B3GALT1: variants seen among roughly 807,000 people sequenced by gnomAD.
B3GALT1 encodes beta-1,3-galactosyltransferase 1.
In B3GALT1, 10 loss-of-function variants were observed where a neutral mutation model predicts 23.2. The ratio of observed to expected loss-of-function variants is 0.43; its 90% CI spans 0.27 to 0.73. The LOEUF (loss-of-function observed/expected upper bound fraction) is 0.73, where lower values mean the gene tolerates loss of function less well. Among genes scored for constraint, B3GALT1 ranks in the 30% least tolerant of loss-of-function variants. B3GALT1 has a pLI of 0.21. For synonymous variants in B3GALT1, 156 were observed against 141.5 expected (o/e 1.10, Z -0.73); for missense variants, 299 against 405.4 (o/e 0.74, Z 2.25).
chr2:167,444,473 T>C (rs149098515), intron 1 of B3GALT1, among the ~76,000 whole-genome samples: 3,680 of 152,348 alleles, frequency 0.024, 72 homozygotes, highest in South Asian at 0.062. Flanking sequence ...TCTGGTAGAA[T>C]TTGGCTGTGA....
At chr2:167,298,767 A>G (rs1291652772) in intron 1 of B3GALT1, among the ~76,000 whole-genome samples, 2 of 152,088 alleles carry the variant, frequency 1.3e-5, no homozygotes, top group Non-Finnish European at 2.9e-5. Flanking sequence ...TCCAGAAAAT[A>G]CCAAAACTGT....
intron 2 of B3GALT1, among the ~76,000 whole-genome samples, chr2:167,539,149 C>T (rs1257958517): frequency 6.6e-6 from 1 of 151,934 alleles, no homozygotes; most frequent in Non-Finnish European, 1.5e-5. Flanking sequence ...AGGTTAATTT[C>T]CTTAAACTCA....
At chr2:167,664,678 A>C (rs1353571154) in intron 3 of B3GALT1, among the ~76,000 whole-genome samples, 1 of 152,114 alleles carries the variant, frequency 6.6e-6, no homozygotes, top group Non-Finnish European at 1.5e-5. Context: ...GATCCTTCAC[A>C]TCCCTTGTAA....
chr2:167,704,163 G>A (rs1359300626), intron 3 of B3GALT1, among the ~76,000 whole-genome samples: 4 of 133,406 alleles, frequency 3.0e-5, no homozygotes, highest in South Asian at 2.5e-4. Flanking sequence ...ACTGGGCAAA[G>A]GAGCGAAACT....
chr2:167,463,382 A>G (rs954454292), intron 1 of B3GALT1, among the ~76,000 whole-genome samples: 2 of 152,094 alleles, frequency 1.3e-5, no homozygotes, highest in Admixed American at 1.3e-4. Flanking sequence ...TCATAATATT[A>G]CTAATACACT....
chr2:167,624,273 A>C (rs368086847), intron 2 of B3GALT1, among the ~76,000 whole-genome samples: 1 of 152,054 alleles, frequency 6.6e-6, no homozygotes, highest in African/African-American at 2.4e-5. Context: ...ATGAAATTCT[A>C]ATCTTAGACC....
At position 167,858,939 on chromosome 2, in the gene B3GALT1, T is replaced by C. The variant is rs56377443; in HGVS notation, c.-229-9872T>C. On this transcript the variant is annotated intron_variant, in intron 4 of 4. Transcript: ENST00000392690. ...CTCCCTAGACTTTGTAAATTTTAGATAGTGAATACACTAACAGCTTTCTGG... is the reference window on the plus strand; with the variant it reads ...CTCCCTAGACTTTGTAAATTTTAGACAGTGAATACACTAACAGCTTTCTGG... 5.2e-3 allele frequency among the ~76,000 whole-genome samples: 793 copies of C among 152,326 alleles called. 5 individuals carry two copies. Among genetic ancestry groups the C allele is most frequent in the Non-Finnish European group, 7.7e-3 (521 of 68,020 alleles).
intron 3 of B3GALT1, among the ~76,000 whole-genome samples, chr2:167,679,355 G>T (rs1013212257): frequency 6.6e-6 from 1 of 151,860 alleles, no homozygotes; most frequent in African/African-American, 2.4e-5. Flanking sequence ...CTGACCTCAG[G>T]TGATCCGCCC....
At chr2:167,564,450 C>A (rs991915748) in intron 2 of B3GALT1, among the ~76,000 whole-genome samples, 1 of 152,048 alleles carries the variant, frequency 6.6e-6, no homozygotes, top group African/African-American at 2.4e-5. Flanking sequence ...TCCCCACCTC[C>A]CAGACGGGGT....
At chr2:167,402,172 A>G (rs1698202800) in intron 1 of B3GALT1, among the ~76,000 whole-genome samples, 1 of 152,152 alleles carries the variant, frequency 6.6e-6, no homozygotes, top group Admixed American at 6.6e-5. Flanking sequence ...ATGTTATGAT[A>G]AAATAATTTT....
chr2:167,504,994 A>G (rs1699899400), intron 2 of B3GALT1, among the ~76,000 whole-genome samples: 1 of 152,200 alleles, frequency 6.6e-6, no homozygotes, highest in African/African-American at 2.4e-5. Context: ...AAAGAGAATC[A>G]GTGTATAGTT....
At chr2:167,678,476 AT>A (rs60566692) in intron 3 of B3GALT1, among the ~76,000 whole-genome samples, 1 of 151,356 alleles carries the variant, frequency 6.6e-6, no homozygotes, top group African/African-American at 2.4e-5. Context: ...GCACCTTATT[AT>A]TTTTTTTAGC....
chr2:167,870,656 C>T lies in B3GALT1; in HGVS notation c.*636C>T, dbSNP rs528324940. The T allele has an allele frequency of 1.2e-5, 2 of 167,082 alleles. No homozygotes were observed. The highest frequency in any genetic ancestry group is 2.1e-4 in the South Asian group (1 of 4,812). The allele number at this position is 167,082 out of a possible 1,614,324, so 10.3% of individuals were successfully genotyped here. The stretch of plus-strand genomic sequence containing the variant: ...TCATCCAAGGATTAAATCTGGTCAG[C>T]AGGTGGAATGTGTATAAAATGCTAC... On this transcript the variant is annotated 3_prime_UTR_variant, in exon 5 of 5. Coordinates refer to ENST00000392690, the MANE Select transcript of B3GALT1 (RefSeq NM_020981.4).
At chr2:167,776,040 G>GCACACA (rs71003011) in intron 3 of B3GALT1, among the ~76,000 whole-genome samples, 8,337 of 142,216 alleles carry the variant, frequency 0.059, 438 homozygotes, top group African/African-American at 0.14. Flanking sequence ...ATGCAACTGT[G>GCACACA]CACACACACA....
At chr2:167,739,346 A>C (rs1013568870) in intron 3 of B3GALT1, among the ~76,000 whole-genome samples, 2 of 152,164 alleles carry the variant, frequency 1.3e-5, no homozygotes, top group African/African-American at 4.8e-5. Flanking sequence ...CCTATTCATA[A>C]GACGTAACAG....
chr2:167,759,883 G>A (rs1464940328), intron 3 of B3GALT1, among the ~76,000 whole-genome samples: 1 of 152,150 alleles, frequency 6.6e-6, no homozygotes, highest in Non-Finnish European at 1.5e-5. Context: ...CATGGATTTT[G>A]TGTTCATCTA....
rs933013223 is a variant in B3GALT1, at chr2:167,463,053, G to A, written c.-510-27124G>A. 2.0e-5 allele frequency among the ~76,000 whole-genome samples: 3 copies of A among 152,096 alleles called. No individual in the cohort carries two copies. In the Middle Eastern group the frequency reaches 0.01, roughly 517 times the overall value. On this transcript the variant is annotated intron_variant, in intron 1 of 4. Transcript: ENST00000392690. ...CTTCAGCTTCTGGAAAACACCATAA[G>A]CCTTTTCCTGAAGGTACAACTTAAG... is the stretch of plus-strand genomic sequence containing the variant.
At chr2:167,868,404 T>C (rs1690275507) in intron 4 of B3GALT1, among the ~76,000 whole-genome samples, 2 of 151,072 alleles carry the variant, frequency 1.3e-5, no homozygotes, top group Admixed American at 1.3e-4. Flanking sequence ...AAACTCAGAC[T>C]CGGAAACTGG....
At chr2:167,831,142 C>T (rs555182982) in intron 4 of B3GALT1, among the ~76,000 whole-genome samples, 1 of 152,180 alleles carries the variant, frequency 6.6e-6, no homozygotes, top group Admixed American at 6.5e-5. Context: ...CACTTATTCA[C>T]GGGAACCTTC....
Sources: allele counts gnomAD v4.1 joint callset (sites outside exome capture counted in the v4.1 genomes callset), GRCh38; gene constraint gnomAD v4.1.1; transcripts MANE v1.5; gene names NCBI Gene and HGNC (gene_info 2026-07-23, HGNC 2026-07-21).